BICDL1: variants seen among roughly 807,000 people sequenced by gnomAD.
The protein encoded by BICDL1 is BICD family-like cargo adapter 1.
BICDL1 carries 20 observed loss-of-function variants against 76.8 expected under a neutral mutation model. That is an observed-to-expected ratio of 0.26 (90% confidence interval 0.18 to 0.38). The LOEUF is 0.38. Ranked by LOEUF, BICDL1 falls within the 10% of genes least tolerant of loss-of-function variation. The probability of loss-of-function intolerance (pLI) is 1.00; values close to 1 mark genes in which losing one functional copy is unlikely to be tolerated. For missense variants in BICDL1, 700 were observed against 798.6 expected, an observed-to-expected ratio of 0.88 and a Z score of 1.49; for synonymous variants, 383 against 337.1, an observed-to-expected ratio of 1.14 and a Z score of -1.49.
Position 120,064,877 on chromosome 12 carries a change from C to G in BICDL1, c.907C>G (p.Gln303Glu). The G allele has an allele frequency of 1.2e-6, 2 of 1,607,168 alleles. No homozygotes were observed. Among genetic ancestry groups the G allele is most frequent in the Non-Finnish European group, 1.7e-6 (2 of 1,177,424 alleles). Reference protein sequence around the residue: ...LERQGHDKDLQLHQSQLELQE... With the variant: ...LERQGHDKDLELHQSQLELQE... ...GAGGCAGGGCCATGACAAGGACCTA[C>G]AGGTACTGGGGTAGAGAAGCTGTCC... Residue 303 changes from glutamine to glutamate, a missense_variant and splice_region_variant, in exon 4 of 10, where the codon CAG (glutamine) becomes GAG (glutamate). This residue lies in a region of BICDL1 where 455 missense variants were observed against 548.7 expected (regional missense o/e 0.83). Transcript: ENST00000548673.
chr12:120,059,256 G>A (rs1264638183), intron 2 of BICDL1, among the ~76,000 whole-genome samples: 1 of 151,470 alleles, frequency 6.6e-6, no homozygotes, highest in African/African-American at 2.4e-5. Context: ...CACCATGCCC[G>A]GTTAATTTGT....
intron 2 of BICDL1, among the ~76,000 whole-genome samples, chr12:120,053,710 C>T (rs906139942): frequency 1.3e-5 from 2 of 152,102 alleles, no homozygotes; most frequent in Non-Finnish European, 2.9e-5. Flanking sequence ...AAGGAGCCTT[C>T]GTTCATTTAT....
chr12:120,050,180 A>G (rs1035139784), intron 2 of BICDL1, among the ~76,000 whole-genome samples: 2 of 150,814 alleles, frequency 1.3e-5, no homozygotes, highest in African/African-American at 4.9e-5. Flanking sequence ...AGAGGTTTTT[A>G]TATATTCTGA....
intron 9 of BICDL1, chr12:120,092,643 A>AGG: frequency 1.0e-6 from 1 of 985,440 alleles, no homozygotes; most frequent in Non-Finnish European, 1.2e-6. Flanking sequence ...CCAGGCCCAC[A>AGG]GGACACAGGA....
At chr12:120,009,175 A>G (rs1046238785) in intron 2 of BICDL1, among the ~76,000 whole-genome samples, 5 of 152,048 alleles carry the variant, frequency 3.3e-5, no homozygotes, top group African/African-American at 7.2e-5. Context: ...TTTAGTAGAA[A>G]TGGGGTTTCA....
At chr12:120,035,161 C>T (rs1325625675) in intron 2 of BICDL1, among the ~76,000 whole-genome samples, 1 of 152,150 alleles carries the variant, frequency 6.6e-6, no homozygotes, top group East Asian at 1.9e-4. Flanking sequence ...CATGGCAAAA[C>T]CCCATCTCTA....
At chr12:120,092,036 T>G in intron 9 of BICDL1, 2 of 985,444 alleles carry the variant, frequency 2.0e-6, no homozygotes, top group Non-Finnish European at 2.4e-6. Context: ...GTTCAAGTCA[T>G]GAAGGAATCG....
At chr12:120,067,170 A>G (rs1439647564) in intron 4 of BICDL1, among the ~76,000 whole-genome samples, 2 of 152,256 alleles carry the variant, frequency 1.3e-5, no homozygotes, top group African/African-American at 2.4e-5. Flanking sequence ...AAGGAAATCT[A>G]TTTGTCCCTC....
chr12:120,020,434 A>G (rs1393738534), intron 2 of BICDL1, among the ~76,000 whole-genome samples: 7 of 152,220 alleles, frequency 4.6e-5, no homozygotes, highest in Non-Finnish European at 1.0e-4. Flanking sequence ...AGCTTCCCCA[A>G]CAGTTGTCAG....
At chr12:120,011,072 A>AG (rs1224465869) in intron 2 of BICDL1, among the ~76,000 whole-genome samples, 2 of 152,188 alleles carry the variant, frequency 1.3e-5, no homozygotes, top group South Asian at 4.1e-4. Flanking sequence ...GGTATTCCTG[A>AG]GTGGTCAGTG....
intron 2 of BICDL1, among the ~76,000 whole-genome samples, chr12:120,003,836 A>G (rs939235400): frequency 6.6e-6 from 1 of 152,216 alleles, no homozygotes; most frequent in African/African-American, 2.4e-5. Context: ...TGGGTATGGA[A>G]ATGAGCCTTT....
Position 119,989,646 on chromosome 12 carries a change from C to T in BICDL1, c.-223C>T, listed in dbSNP as rs1219165911. Among the ~76,000 whole-genome samples the T allele has an allele frequency of 6.7e-6, 1 of 148,850 alleles. No individual in the cohort carries two copies. The highest frequency in any genetic ancestry group is 1.5e-5 in the Non-Finnish European group (1 of 66,966). On this transcript the variant is annotated 5_prime_UTR_variant, in exon 1 of 10. Transcript: ENST00000548673. ...CCCCCACCCCCTCCTCCCGCGCGCG[C>T]CTGAGCAGCTGAGCCCGGGGGCGGG... is the stretch of plus-strand genomic sequence containing the variant.
chr12:120,024,775 C>T (rs751632866), intron 2 of BICDL1, among the ~76,000 whole-genome samples: 3 of 152,100 alleles, frequency 2.0e-5, no homozygotes, highest in Non-Finnish European at 1.5e-5. Flanking sequence ...GCAACCTCTG[C>T]CTCCCAGGTT....
At chr12:120,008,120 C>G (rs1484927760) in intron 2 of BICDL1, among the ~76,000 whole-genome samples, 3 of 150,312 alleles carry the variant, frequency 2.0e-5, no homozygotes, top group Non-Finnish European at 4.4e-5. Context: ...CCATTCCTGC[C>G]TGTGATGGAA....
chr12:119,991,244 C>T lies in BICDL1; in HGVS notation c.429+947C>T, dbSNP rs573928438. Among the ~76,000 whole-genome samples the T allele has an allele frequency of 1.5e-4, 23 of 152,306 alleles. No individual in the cohort carries two copies. The South Asian group carries it at 3.7e-3, about 25-fold the overall frequency. Reference sequence around the variant, plus strand: ...TGTTACCTAGTTTGGTTGCAGCCAGCTCTTTTCATTCTTAGTTACAGCAAG... The same window carrying T: ...TGTTACCTAGTTTGGTTGCAGCCAGTTCTTTTCATTCTTAGTTACAGCAAG... On this transcript the variant is annotated intron_variant, in intron 1 of 9. Coordinates refer to ENST00000548673, the MANE Select transcript of BICDL1 (RefSeq NM_001367886.1).
intron 2 of BICDL1, among the ~76,000 whole-genome samples, chr12:120,024,444 A>G (rs1194645517): frequency 2.0e-5 from 3 of 152,230 alleles, no homozygotes; most frequent in Non-Finnish European, 4.4e-5. Flanking sequence ...ATTATCCACA[A>G]TGAAACACAG....
chr12:120,024,541 C>T (rs545736296), intron 2 of BICDL1, among the ~76,000 whole-genome samples: 1 of 152,098 alleles, frequency 6.6e-6, no homozygotes, highest in Admixed American at 6.5e-5. Context: ...AGTATAAACC[C>T]ACAGATCCAA....
At chr12:120,032,255 A>G (rs922701802) in intron 2 of BICDL1, among the ~76,000 whole-genome samples, 2 of 152,286 alleles carry the variant, frequency 1.3e-5, no homozygotes, top group African/African-American at 4.8e-5. Context: ...GTGGTGATGA[A>G]TTGGGTAGCT....
intron 7 of BICDL1, among the ~76,000 whole-genome samples, chr12:120,074,942 G>C (rs1873418902): frequency 1.3e-5 from 2 of 152,132 alleles, no homozygotes; most frequent in Admixed American, 1.3e-4. Context: ...GCAAACCAAG[G>C]AACAATTGAT....
Sources: allele counts gnomAD v4.1 joint callset (sites outside exome capture counted in the v4.1 genomes callset), GRCh38; gene constraint gnomAD v4.1.1; regional missense constraint gnomAD v4.1.1; transcripts MANE v1.5; gene names NCBI Gene and HGNC (gene_info 2026-07-23, HGNC 2026-07-21).